GSE1: variants seen among roughly 807,000 people sequenced by gnomAD.
GSE1 encodes Gse1 coiled-coil protein.
A neutral mutation model predicts 112.6 loss-of-function variants in GSE1; 32 were observed. The ratio of observed to expected loss-of-function variants is 0.28; its 90% CI spans 0.21 to 0.38. The LOEUF (loss-of-function observed/expected upper bound fraction) is 0.38. GSE1 is among the 10% of genes least tolerant of loss of function. GSE1 has a pLI of 1.00. For synonymous variants in GSE1, 1,115 were observed against 735.6 expected (o/e 1.52, Z -8.35); for missense variants, 2,348 against 1,699.2 (o/e 1.38, Z -6.71).
intron 1 of GSE1, among the ~76,000 whole-genome samples, chr16:85,287,064 TGCCTGTCTCCGGGGACGGGGACTGAGCTG>T (rs1436823890): frequency 6.6e-6 from 1 of 152,186 alleles, no homozygotes; most frequent in African/African-American, 2.4e-5. Context: ...CTGGCCTCCC[TGCCTGTCTCCGGGGACGGGGACTGAGCTG>T]GCGGCGGCAG....
Position 85,370,665 on chromosome 16 carries a change from G to C in GSE1, c.2464+13022G>C, listed in dbSNP as rs371471937. On this transcript the variant is annotated intron_variant, in intron 2 of 2. Coordinates refer to the GSE1 transcript ENST00000637419. The stretch of plus-strand genomic sequence containing the variant: ...CCTCCTTCTCTCCCTCCCTCCCATG[G>C]GGACGGCTGCTTCTGCCTGGAGCGA... Among the ~76,000 whole-genome samples the C allele has an allele frequency of 1.4e-3, 199 of 145,042 alleles. 1 individual carries two copies. The highest frequency in any genetic ancestry group is 2.5e-3 in the Non-Finnish European group (169 of 66,598).
chr16:85,224,301 CAAAAAAAAAAAA>C (rs55755242), intron 1 of GSE1, among the ~76,000 whole-genome samples: 4 of 38,802 alleles, frequency 1.0e-4, no homozygotes, highest in African/African-American at 2.2e-4. Flanking sequence ...ACTAAAAATA[CAAAAAAAAAAAA>C]AAAAAAAAAA....
chr16:85,505,764 A>T (rs2051516090), intron 2 of GSE1, among the ~76,000 whole-genome samples: 1 of 152,078 alleles, frequency 6.6e-6, no homozygotes, highest in African/African-American at 2.4e-5. Context: ...CACACCTGCA[A>T]CCCCAGCACT....
chr16:85,653,348 G>A, intron 3 of GSE1, among the ~76,000 whole-genome samples: 1 of 104,742 alleles, frequency 9.5e-6, no homozygotes, highest in Non-Finnish European at 1.9e-5. Context: ...CGAATAACAG[G>A]AACAAGCAAG....
rs11862507 is a variant in GSE1 at position 85,667,680 on chromosome 16, G to A, written c.3131-460G>A. 4.4e-3 allele frequency among the ~76,000 whole-genome samples: 674 copies of A among 152,308 alleles called. 4 individuals carry two copies. Among genetic ancestry groups the A allele is most frequent in the African/African-American group, 0.014 (596 of 41,568 alleles). ...TGAAACCAGCCTGGGCCAACATGGC[G>A]AAACCCTGTTTCTACTAAAAATGCA... is the stretch of plus-strand genomic sequence containing the variant. On this transcript the variant is annotated intron_variant, in intron 13 of 15. Coordinates refer to ENST00000253458, the MANE Select transcript of GSE1 (RefSeq NM_014615.5).
chr16:85,288,132 C>T lies in GSE1; in HGVS notation c.2284-69331C>T, dbSNP rs558587904. ...GCGTGCACCTGTAATCCCAGCTACT[C>T]GGGAGGCTGAGGCAGGAGAGTCGTT... On this transcript the variant is annotated intron_variant, in intron 1 of 2. Transcript: ENST00000637419. Among the ~76,000 whole-genome samples, 40 of 152,114 alleles carry T rather than the reference C, an allele frequency of 2.6e-4. 1 individual carries two copies. The highest frequency in any genetic ancestry group is 8.9e-4 in the African/African-American group (37 of 41,522).
intron 2 of GSE1, among the ~76,000 whole-genome samples, chr16:85,508,458 A>C (rs1356928993): frequency 6.6e-6 from 1 of 152,082 alleles, no homozygotes; most frequent in African/African-American, 2.4e-5. Context: ...GATGGAGGAG[A>C]AGCCAGCAGC....
In GSE1 at chr16:85,648,589, T is replaced by A; in HGVS notation, c.264T>A (p.Ser88=). 6.2e-7 allele frequency: 1 copy of A among 1,603,454 alleles called. No individual in the cohort carries two copies. Among genetic ancestry groups the A allele is most frequent in the Non-Finnish European group, 8.5e-7 (1 of 1,174,936 alleles). Residue 88 remains serine (S), a synonymous_variant, in exon 3 of 16, where the codon TCT becomes TCA. Transcript: ENST00000253458. ...GCAGCGAGTCGTCCCCCGTGTCCTC[T>A]CCGGCCACCAACCACAGCTCCCCCG... ...SLSSESSPVS[S]PATNHSSPAS... is the part of the protein sequence containing the mutation.
intron 1 of GSE1, among the ~76,000 whole-genome samples, chr16:85,210,101 A>G (rs541607404): frequency 1.4e-4 from 22 of 152,312 alleles, no homozygotes; most frequent in African/African-American, 4.8e-4. Context: ...GCTCATTCAT[A>G]TTGCCGCTGG....
chr16:85,625,764 TGG>T (rs1038391118), intron 1 of GSE1, among the ~76,000 whole-genome samples: 4 of 152,134 alleles, frequency 2.6e-5, no homozygotes, highest in Admixed American at 1.3e-4. Flanking sequence ...GGGTGGCTGC[TGG>T]GGGCCCTAGG....
intron 2 of GSE1, among the ~76,000 whole-genome samples, chr16:85,523,963 G>A (rs1225096165): frequency 6.6e-6 from 1 of 152,182 alleles, no homozygotes; most frequent in Non-Finnish European, 1.5e-5. Flanking sequence ...ACTGAGGAAC[G>A]CCTTGGGGAG....
chr16:85,606,559 C>T (rs955235924), upstream of GSE1, among the ~76,000 whole-genome samples: 2 of 152,212 alleles, frequency 1.3e-5, no homozygotes, highest in Non-Finnish European at 2.9e-5. Context: ...ACTGAGTCTG[C>T]CCGTCACTGG....
intron 1 of GSE1, among the ~76,000 whole-genome samples, chr16:85,216,548 G>A (rs1371397338): frequency 2.0e-5 from 3 of 152,130 alleles, no homozygotes; most frequent in African/African-American, 4.8e-5. Context: ...CTTACCACAC[G>A]TGTCAGGAAC....
chr16:85,320,274 C>A (rs16975517), intron 1 of GSE1, among the ~76,000 whole-genome samples: 3,336 of 152,270 alleles, frequency 0.022, 54 homozygotes, highest in Admixed American at 0.036. Flanking sequence ...GTTAGCCGAC[C>A]TGTGTCATTT....
chr16:85,245,736 G>A (rs914226467), intron 1 of GSE1, among the ~76,000 whole-genome samples: 10 of 152,170 alleles, frequency 6.6e-5, no homozygotes, highest in Admixed American at 5.2e-4. Context: ...CCTCTGATTA[G>A]AGGGGGACGG....
At position 85,446,666 on chromosome 16, in the gene GSE1, G is replaced by A; in HGVS notation, c.2464+89023G>A. On this transcript the variant is annotated intron_variant, in intron 2 of 2. Transcript: ENST00000637419. ...ACGCCATCGAGCGGGTTCTCTGCCT[G>A]CATGGCAGGGAGACCTACCGTGTGT... Among the ~76,000 whole-genome samples, 2 of 152,202 alleles carry A rather than the reference G, an allele frequency of 1.3e-5. 1 individual carries two copies. The highest frequency in any genetic ancestry group is 1.3e-4 in the Admixed American group (2 of 15,288).
intron 2 of GSE1, among the ~76,000 whole-genome samples, chr16:85,514,431 C>T (rs575072827): frequency 1.0e-5 from 1 of 97,734 alleles, no homozygotes; most frequent in African/African-American, 5.0e-5. Context: ...TCGAGTCCCC[C>T]CCCCCACCCC....
intron 2 of GSE1, among the ~76,000 whole-genome samples, chr16:85,424,177 C>T (rs540779410): frequency 5.4e-4 from 82 of 152,360 alleles, no homozygotes; most frequent in South Asian, 2.1e-3. Flanking sequence ...CGCTTTAATG[C>T]ATTTGTTCGT....
At chr16:85,175,351 C>T (rs1275691969) in intron 1 of GSE1, among the ~76,000 whole-genome samples, 3 of 152,196 alleles carry the variant, frequency 2.0e-5, no homozygotes, top group Non-Finnish European at 4.4e-5. Flanking sequence ...AGGACGGACC[C>T]TTCCCTGCAA....
Sources: gnomAD v4.1 joint callset for allele counts (sites outside exome capture counted in the v4.1 genomes callset) on GRCh38, gnomAD v4.1.1 for gene constraint, MANE v1.5 for transcripts, NCBI Gene and HGNC (gene_info 2026-07-23, HGNC 2026-07-21) for gene names.